The following CFAP61 variants were observed in gnomAD, a reference collection of about 807,000 sequenced individuals.
The protein encoded by CFAP61 is cilia and flagella associated protein 61.
Under a neutral mutation model 135.6 loss-of-function variants are expected in CFAP61, and 107 were observed. The observed-to-expected ratio is 0.79, with a 90% CI of 0.67 to 0.93. The LOEUF is 0.93. CFAP61 is among the 40% of genes least tolerant of loss of function. CFAP61 has a pLI of 0.00. For synonymous variants in CFAP61, 575 were observed against 578.5 expected, an observed-to-expected ratio of 0.99 and a Z score of 0.09; for missense variants, 1,507 against 1,556.2, an observed-to-expected ratio of 0.97 and a Z score of 0.53.
rs143575969 is a variant in CFAP61, at chr20:20,294,311, C to G, written c.3217-3870C>G. On this transcript the variant is annotated intron_variant, in intron 24 of 26. Transcript: ENST00000245957. ...TGTCAGCGACTGTGAATAGGAGTGG[C>G]CTGCACTACAAGGGTAATTTGTGTC... Among the ~76,000 whole-genome samples the G allele has an allele frequency of 1.0e-3, 155 of 152,290 alleles. 1 individual carries two copies. The highest frequency in any genetic ancestry group is 3.5e-3 in the African/African-American group (146 of 41,566).
intron 9 of CFAP61, among the ~76,000 whole-genome samples, chr20:20,143,219 A>C (rs997541773): frequency 6.6e-6 from 1 of 152,236 alleles, no homozygotes. Flanking sequence ...TGACTTCAGG[A>C]GGCTGAGACA....
intron 3 of CFAP61, among the ~76,000 whole-genome samples, chr20:20,071,820 T>G (rs369139624): frequency 6.6e-6 from 1 of 152,220 alleles, no homozygotes; most frequent in East Asian, 1.9e-4. Context: ...CCTCATCTTT[T>G]GTGTTCTCTC....
At chr20:20,194,122 A>G (rs543126587) in intron 15 of CFAP61, among the ~76,000 whole-genome samples, 2 of 152,282 alleles carry the variant, frequency 1.3e-5, no homozygotes, top group East Asian at 1.9e-4. Flanking sequence ...TTTGTCTTCT[A>G]TGATTTCATT....
chr20:20,215,878 C>A (rs2048013326), intron 17 of CFAP61, among the ~76,000 whole-genome samples: 1 of 152,096 alleles, frequency 6.6e-6, no homozygotes, highest in African/African-American at 2.4e-5. Context: ...TACTGAACCA[C>A]ATTAAAAATC....
chr20:20,085,915 G>A (rs754458060), intron 6 of CFAP61, among the ~76,000 whole-genome samples: 3 of 152,178 alleles, frequency 2.0e-5, no homozygotes, highest in South Asian at 2.1e-4. Flanking sequence ...CCTCTTATTA[G>A]CAATGCCCTT....
intron 21 of CFAP61, among the ~76,000 whole-genome samples, chr20:20,272,640 C>T (rs531271026): frequency 4.6e-5 from 7 of 152,258 alleles, no homozygotes; most frequent in Non-Finnish European, 7.4e-5. Flanking sequence ...CCCCCGGCTC[C>T]GGTCATTATT....
At chr20:20,257,814 A>G (rs1369150064) in intron 20 of CFAP61, among the ~76,000 whole-genome samples, 1 of 152,178 alleles carries the variant, frequency 6.6e-6, no homozygotes, top group African/African-American at 2.4e-5. Flanking sequence ...GAAGTTGTTG[A>G]AAATTGGGAG....
At chr20:20,174,563 A>G (rs1231765679) in intron 13 of CFAP61, among the ~76,000 whole-genome samples, 2 of 152,154 alleles carry the variant, frequency 1.3e-5, no homozygotes, top group African/African-American at 2.4e-5. Flanking sequence ...TTACCTGTCA[A>G]TATTGCTCAG....
chr20:20,147,974 G>T (rs1488890745), intron 9 of CFAP61, among the ~76,000 whole-genome samples: 2 of 152,092 alleles, frequency 1.3e-5, no homozygotes, highest in Non-Finnish European at 2.9e-5. Context: ...CATGTGACTT[G>T]CCAGTTTTCT....
At chr20:20,085,466 T>G in intron 6 of CFAP61, 2 of 1,366,532 alleles carry the variant, frequency 1.5e-6, no homozygotes, top group South Asian at 1.1e-5. Context: ...GGAAAGGGCT[T>G]AAGAGAGAGC....
At chr20:20,312,939 G>T (rs891891188) in intron 25 of CFAP61, among the ~76,000 whole-genome samples, 1 of 152,114 alleles carries the variant, frequency 6.6e-6, no homozygotes, top group Non-Finnish European at 1.5e-5. Context: ...GAGTTATTCT[G>T]TATCTCATTA....
chr20:20,074,144 A>T (rs1031263201), intron 3 of CFAP61, among the ~76,000 whole-genome samples, 158 bp from the exon 4 acceptor site: 1 of 152,204 alleles, frequency 6.6e-6, no homozygotes, highest in African/African-American at 2.4e-5. Flanking sequence ...GACAGCTCAA[A>T]TGCCGCCTGG....
At chr20:20,231,501 C>T (rs1294889510) in intron 18 of CFAP61, among the ~76,000 whole-genome samples, 1 of 152,204 alleles carries the variant, frequency 6.6e-6, no homozygotes, top group African/African-American at 2.4e-5. Context: ...TCAGAGGCTT[C>T]TACAGTCTCC....
intron 22 of CFAP61, among the ~76,000 whole-genome samples, chr20:20,281,496 T>C (rs1335759874): frequency 2.6e-5 from 4 of 152,200 alleles, no homozygotes; most frequent in Non-Finnish European, 5.9e-5. Context: ...TCCATATTTC[T>C]TAAAAAGAAA....
intron 13 of CFAP61, among the ~76,000 whole-genome samples, chr20:20,185,035 T>C (rs1292193006): frequency 6.6e-6 from 1 of 152,164 alleles, no homozygotes; most frequent in Non-Finnish European, 1.5e-5. Flanking sequence ...GAGGGGGCTC[T>C]CAGCCACTGT....
chr20:20,111,756 A>G (rs1410379997), intron 8 of CFAP61, among the ~76,000 whole-genome samples: 2 of 152,200 alleles, frequency 1.3e-5, no homozygotes, highest in African/African-American at 2.4e-5. Context: ...GTTGTAAGTT[A>G]TAGATAGCTC....
At chr20:20,279,137 A>G (rs1165173134) in intron 22 of CFAP61, among the ~76,000 whole-genome samples, 1 of 152,088 alleles carries the variant, frequency 6.6e-6, no homozygotes, top group Non-Finnish European at 1.5e-5. Context: ...AACCTCCCCA[A>G]ACATCCCATT....
intron 24 of CFAP61, among the ~76,000 whole-genome samples, chr20:20,293,991 A>T (rs933010612): frequency 6.6e-6 from 1 of 152,236 alleles, no homozygotes; most frequent in South Asian, 2.1e-4. Context: ...GGACCTCAAA[A>T]GGATAATTAT....
At chr20:20,126,699 A>G (rs1008393175) in intron 8 of CFAP61, among the ~76,000 whole-genome samples, 2 of 151,828 alleles carry the variant, frequency 1.3e-5, no homozygotes, top group African/African-American at 4.9e-5. Context: ...TGCCTAGGCA[A>G]TGATCTTTTT....
Sources: gnomAD v4.1 joint callset for allele counts (sites outside exome capture counted in the v4.1 genomes callset) on GRCh38, gnomAD v4.1.1 for gene constraint, MANE v1.5 for transcripts, NCBI Gene and HGNC (gene_info 2026-07-23, HGNC 2026-07-21) for gene names.